Variants in ABTB2 observed in about 807,000 individuals in gnomAD.
The protein encoded by ABTB2 is ankyrin repeat and BTB/POZ domain-containing protein 2.
Under a neutral mutation model 104.1 loss-of-function variants are expected in ABTB2, and 56 were observed. That is an observed-to-expected ratio of 0.54 (90% CI 0.43 to 0.67). The LOEUF (loss-of-function observed/expected upper bound fraction) is 0.67. ABTB2 is among the 30% of genes least tolerant of loss of function. The probability of loss-of-function intolerance (pLI) is 0.00; values close to 1 mark genes in which losing one functional copy is unlikely to be tolerated. For synonymous variants in ABTB2, 606 were observed against 608.2 expected (o/e 1.00, Z 0.05); for missense variants, 1,279 against 1,407.7 (o/e 0.91, Z 1.46).
At chr11:34,184,973 T>C (rs376375448) in intron 3 of ABTB2, among the ~76,000 whole-genome samples, 70 of 152,330 alleles carry the variant, frequency 4.6e-4, no homozygotes, top group African/African-American at 1.6e-3. Context: ...CCACCACCCA[T>C]TGGCCTCTGC....
At chr11:34,309,570 T>C (rs1362512666) in intron 1 of ABTB2, among the ~76,000 whole-genome samples, 1 of 152,080 alleles carries the variant, frequency 6.6e-6, no homozygotes, top group Non-Finnish European at 1.5e-5. Context: ...CAAATCTCAC[T>C]GCTCAGAAAT....
chr11:34,302,961 T>C (rs528564913), intron 1 of ABTB2, among the ~76,000 whole-genome samples: 4 of 152,298 alleles, frequency 2.6e-5, no homozygotes, highest in South Asian at 2.1e-4. Context: ...AAGGACCTGA[T>C]AAGACACCTC....
intron 1 of ABTB2, among the ~76,000 whole-genome samples, chr11:34,227,589 A>C (rs987236101): frequency 6.6e-6 from 1 of 152,200 alleles, no homozygotes; most frequent in Non-Finnish European, 1.5e-5. Flanking sequence ...TTATTGATGA[A>C]TATTTGGATT....
intron 1 of ABTB2, among the ~76,000 whole-genome samples, chr11:34,256,601 C>A (rs1228016571): frequency 6.6e-6 from 1 of 152,060 alleles, no homozygotes; most frequent in Non-Finnish European, 1.5e-5. Context: ...AGAATCAAGT[C>A]GCTAATGAGA....
chr11:34,180,592 A>G (rs940031412), intron 3 of ABTB2, among the ~76,000 whole-genome samples: 3 of 152,204 alleles, frequency 2.0e-5, no homozygotes, highest in African/African-American at 7.2e-5. Flanking sequence ...CATGAAATAG[A>G]CCAATGGAAA....
At chr11:34,328,099 TGCTGTCCAG>T (rs1465243987) in intron 1 of ABTB2, among the ~76,000 whole-genome samples, 1 of 152,218 alleles carries the variant, frequency 6.6e-6, no homozygotes, top group Non-Finnish European at 1.5e-5. Context: ...GGACTGGTCC[TGCTGTCCAG>T]GCTGGATTGG....
rs148001853 is a variant in ABTB2 at position 34,254,587 on chromosome 11, G to A, written c.884-49897C>T. Among the ~76,000 whole-genome samples, 40 of 151,694 alleles carry A rather than the reference G, an allele frequency of 2.6e-4. 1 individual carries two copies. In the East Asian group the frequency reaches 7.8e-3, roughly 29 times the overall value. ...TTAAAACCTGTTTCCTTACATTCAT[G>A]TATGGTGGTACTGCTGAATATGGTA... On this transcript the variant is annotated intron_variant, in intron 1 of 16. Transcript: ENST00000435224.
chr11:34,279,825 G>A (rs1018463253), intron 1 of ABTB2, among the ~76,000 whole-genome samples: 7 of 111,968 alleles, frequency 6.3e-5, no homozygotes, highest in East Asian at 4.6e-4. Flanking sequence ...TTTTGCTTTC[G>A]TCACCCAGGC....
rs1456282772 is a variant in ABTB2, at chr11:34,176,287, A to AG, written c.1245-2981_1245-2980insC. 2.6e-5 allele frequency among the ~76,000 whole-genome samples: 4 copies of AG among 151,664 alleles called. No homozygotes were observed. The South Asian group carries it at 8.3e-4, about 32-fold the overall frequency. ...AGAGTGAGACTCCGTCTCAAAAAAA[A>AG]AAAAAAAAAAAAAAAGAGAAAGAAA... On this transcript the variant is annotated intron_variant, in intron 3 of 16. Transcript: ENST00000435224.
intron 14 of ABTB2, among the ~76,000 whole-genome samples, chr11:34,156,776 G>A (rs555613136): frequency 1.3e-5 from 2 of 152,198 alleles, no homozygotes; most frequent in Non-Finnish European, 2.9e-5. Flanking sequence ...TGCCCACCTC[G>A]GCCTCCAAAA....
chr11:34,311,514 T>C (rs1220572794), intron 1 of ABTB2, among the ~76,000 whole-genome samples: 2 of 152,150 alleles, frequency 1.3e-5, no homozygotes, highest in Non-Finnish European at 2.9e-5. Flanking sequence ...CGGAACCAGA[T>C]TAAGGCAGAG....
chr11:34,324,784 C>T (rs572269737), intron 1 of ABTB2, among the ~76,000 whole-genome samples: 9 of 152,182 alleles, frequency 5.9e-5, no homozygotes, highest in Non-Finnish European at 1.2e-4. Context: ...TTTTTAGCTT[C>T]CCCTACCTTT....
intron 1 of ABTB2, among the ~76,000 whole-genome samples, chr11:34,313,454 C>T (rs1197685494): frequency 6.6e-6 from 1 of 152,220 alleles, no homozygotes; most frequent in Non-Finnish European, 1.5e-5. Flanking sequence ...CCTGCACCAC[C>T]ATCAGGCCCC....
chr11:34,232,981 C>G (rs1052598566), intron 1 of ABTB2, among the ~76,000 whole-genome samples: 9 of 151,542 alleles, frequency 5.9e-5, no homozygotes, highest in African/African-American at 9.7e-5. Context: ...TAACCTCCCC[C>G]CAAAACCCCA....
intron 1 of ABTB2, among the ~76,000 whole-genome samples, chr11:34,353,901 C>A (rs954001737): frequency 6.6e-6 from 1 of 152,214 alleles, no homozygotes; most frequent in African/African-American, 2.4e-5. Flanking sequence ...GCTGTGTAAA[C>A]CGTTACCTTG....
At chr11:34,198,341 C>T (rs1853289453) in intron 2 of ABTB2, among the ~76,000 whole-genome samples, 1 of 152,110 alleles carries the variant, frequency 6.6e-6, no homozygotes, top group Non-Finnish European at 1.5e-5. Flanking sequence ...AGGAGAATCG[C>T]TTTAACCTGG....
At position 34,151,184 on chromosome 11, in the gene ABTB2, G is replaced by A. The variant is rs2132994550; in HGVS notation, c.*1203C>T. On this transcript the variant is annotated 3_prime_UTR_variant, in exon 17 of 17. Coordinates refer to ENST00000435224, the MANE Select transcript of ABTB2 (RefSeq NM_145804.3). ...GGGGGCTTTTCAGGGTGACCTGAGT[G>A]CCACCTTCTGAAATGCCTGGGGCTT... 2 of 152,716 alleles carry A rather than the reference G, an allele frequency of 1.3e-5. No individual in the cohort carries two copies. The highest frequency in any genetic ancestry group is 4.1e-4 in the South Asian group (2 of 4,830). The allele number at this position is 152,716 out of a possible 1,614,324, so 9.5% of individuals were successfully genotyped here.
intron 1 of ABTB2, among the ~76,000 whole-genome samples, chr11:34,276,329 C>T (rs1003853925): frequency 6.6e-6 from 1 of 152,140 alleles, no homozygotes; most frequent in Non-Finnish European, 1.5e-5. Flanking sequence ...AATAGATTGC[C>T]TTCCTTCTCC....
In ABTB2 at chr11:34,356,487, T is replaced by C. The variant is rs1010091448; in HGVS notation, c.883+214A>G. Among the ~76,000 whole-genome samples, 69 of 152,206 alleles carry C rather than the reference T, an allele frequency of 4.5e-4. 1 individual carries two copies. Among genetic ancestry groups the C allele is most frequent in the African/African-American group, 1.4e-3 (60 of 41,444 alleles). On this transcript the variant is annotated intron_variant, in intron 1 of 16. Transcript: ENST00000435224. The surrounding 1 kb of genome is among the most constrained non-coding windows in gnomAD (Gnocchi z 4.6). ...AGTAACAATGCCACGCAGAACAGGA[T>C]GGAGATCATTCACAAGTTTACCCTC...
Sources: allele counts gnomAD v4.1 joint callset (sites outside exome capture counted in the v4.1 genomes callset), GRCh38; gene constraint gnomAD v4.1.1; non-coding constraint Gnocchi (gnomAD v3.1); transcripts MANE v1.5; gene names NCBI Gene and HGNC (gene_info 2026-07-23, HGNC 2026-07-21).